The following AMDHD1 variants were observed in gnomAD, a reference collection of about 807,000 sequenced individuals.
AMDHD1 encodes probable imidazolonepropionase.
AMDHD1 carries 45 observed loss-of-function variants against 44.1 expected under a neutral mutation model. The ratio of observed to expected loss-of-function variants is 1.02; its 90% CI spans 0.80 to 1.31. The LOEUF is 1.31. Among genes scored for constraint, AMDHD1 ranks in the 50% most tolerant of loss-of-function variants. AMDHD1 has a pLI of 0.00. For missense variants in AMDHD1, 586 were observed against 552.1 expected, an observed-to-expected ratio of 1.06 and a Z score of -0.61; for synonymous variants, 206 against 205.0, an observed-to-expected ratio of 1.00 and a Z score of -0.04.
rs865822777 is a variant in AMDHD1, at chr12:95,947,590, C to T, written c.137+4055C>T. Among the ~76,000 whole-genome samples the T allele has an allele frequency of 4.0e-3, 272 of 67,408 alleles. 1 individual carries two copies. The highest frequency in any genetic ancestry group is 0.018 in the African/African-American group (242 of 13,516). The allele number at this position is 67,408 out of a possible 152,430, so 44.2% of individuals were successfully genotyped here. ...GAGGGAGGTGGGGGGTCAGCCCCCC[C>T]GCCCGGACAGCCGTGCCGTCCAGGA... On this transcript the variant is annotated intron_variant, in intron 1 of 8. Transcript: ENST00000266736.
intron 4 of AMDHD1, among the ~76,000 whole-genome samples, chr12:95,959,065 G>GA (rs11322266): frequency 3.1e-4 from 47 of 149,474 alleles, no homozygotes; most frequent in Admixed American, 1.4e-3. Context: ...CAAAAAAGAA[G>GA]AAAAAAAAAA....
In AMDHD1 at chr12:95,949,195, G is replaced by T. The variant is rs1021913284; in HGVS notation, c.138-3522G>T. Among the ~76,000 whole-genome samples the T allele has an allele frequency of 2.3e-4, 34 of 150,190 alleles. 1 individual carries two copies. Among genetic ancestry groups the T allele is most frequent in the Admixed American group, 8.0e-4 (12 of 15,070 alleles). On this transcript the variant is annotated intron_variant, in intron 1 of 8. Coordinates refer to ENST00000266736, the MANE Select transcript of AMDHD1 (RefSeq NM_152435.3). ...AAAAAAAAAGAGACTGCACAGAGGG[G>T]TGCCTGAACCAATGGGAGGATCGGG... is the stretch of plus-strand genomic sequence containing the variant.
intron 4 of AMDHD1, among the ~76,000 whole-genome samples, chr12:95,959,790 CTTTTTT>C (rs63130861): frequency 3.0e-5 from 2 of 67,360 alleles, no homozygotes; most frequent in Admixed American, 2.3e-4. Flanking sequence ...GAAGATTATG[CTTTTTT>C]TTTTTTTTTT....
rs1255338648 is a variant in AMDHD1 at position 95,962,360 on chromosome 12, G to A, written c.819G>A (p.Gly273=). 3.7e-6 allele frequency: 6 copies of A among 1,613,420 alleles called. No homozygotes were observed. Among genetic ancestry groups the A allele is most frequent in the Non-Finnish European group, 5.1e-6 (6 of 1,179,634 alleles). The change falls in exon 6 of 9, where the codon GGG becomes GGA. Residue 273 remains glycine (G), a synonymous_variant. Coordinates refer to ENST00000266736, the MANE Select transcript of AMDHD1 (RefSeq NM_152435.3). ...TCTCTGCCCATTCTCCTTAGCTTGG[G>A]GCTGAACTGGGAGCGCAGGCAATCA... ...ELHPMKAAEL[G]AELGAQAISH...
At chr12:95,960,875 G>T (rs1565978718) in intron 5 of AMDHD1, among the ~76,000 whole-genome samples, 1 of 152,080 alleles carries the variant, frequency 6.6e-6, no homozygotes, top group Non-Finnish European at 1.5e-5. Context: ...GAATTGGCTG[G>T]GCGCGGTAGC....
At chr12:95,943,668 T>C (rs2080477697) in intron 1 of AMDHD1, 133 bp downstream of exon 1, 1 of 1,251,034 alleles carries the variant, frequency 8.0e-7, no homozygotes, top group East Asian at 3.2e-5. Context: ...AGCCAGCCTT[T>C]GGGGTACCTG....
chr12:95,955,628 C>T (rs1020301844), intron 3 of AMDHD1, among the ~76,000 whole-genome samples: 2 of 152,174 alleles, frequency 1.3e-5, no homozygotes, highest in Non-Finnish European at 2.9e-5. Context: ...CAGTCCAATC[C>T]TCTCATTGTA....
chr12:95,953,918 G>A (rs919932519), intron 2 of AMDHD1, among the ~76,000 whole-genome samples: 1 of 152,050 alleles, frequency 6.6e-6, no homozygotes, highest in African/African-American at 2.4e-5. Flanking sequence ...ACAAAGTCAG[G>A]GTGAAATGTT....
At position 95,967,733 on chromosome 12, in the gene AMDHD1, GTTGT is replaced by G; in HGVS notation, c.1194-20_1194-17del. ...ACTTGCACACATTGAAGTAATATTT[GTTGT>G]TTTTTTTTTTTTTTCTAGATGGGAG... On this transcript the variant is annotated intron_variant, in intron 8 of 8. Coordinates refer to ENST00000266736, the MANE Select transcript of AMDHD1 (RefSeq NM_152435.3). The G allele has an allele frequency of 8.1e-7, 1 of 1,229,910 alleles. No individual in the cohort carries two copies. The highest frequency in any genetic ancestry group is 1.1e-6 in the Non-Finnish European group (1 of 926,884). 76.2% of individuals were successfully genotyped at this position (1,229,910 alleles called of 1,614,324 possible).
At chr12:95,955,282 A>C (rs1320888297) in intron 3 of AMDHD1, among the ~76,000 whole-genome samples, 1 of 152,190 alleles carries the variant, frequency 6.6e-6, no homozygotes, top group East Asian at 1.9e-4. Flanking sequence ...GAAAATTGCC[A>C]TTCATTGGAG....
At chr12:95,964,747 T>A (rs2080600217) in intron 6 of AMDHD1, among the ~76,000 whole-genome samples, 1 of 151,992 alleles carries the variant, frequency 6.6e-6, no homozygotes, top group African/African-American at 2.4e-5. Context: ...CCTCATTGCT[T>A]TAACGAGCTT....
At chr12:95,964,032 TAA>T (rs35799594) in intron 6 of AMDHD1, among the ~76,000 whole-genome samples, 127 of 119,312 alleles carry the variant, frequency 1.1e-3, no homozygotes, top group South Asian at 2.8e-3. Flanking sequence ...GATTCCATCT[TAA>T]AAAAAAAAAA....
chr12:95,967,195 T>C (rs1440394028), intron 8 of AMDHD1, among the ~76,000 whole-genome samples: 1 of 152,184 alleles, frequency 6.6e-6, no homozygotes, highest in Non-Finnish European at 1.5e-5. Context: ...ACATCAAATC[T>C]TGTGAGATTT....
Position 95,943,527 on chromosome 12 carries a change from G to T in AMDHD1, c.129G>T (p.Val43=). 1 of 1,469,558 alleles carries T rather than the reference G, an allele frequency of 6.8e-7. No individual in the cohort carries two copies. The highest frequency in any genetic ancestry group is 9.0e-7 in the Non-Finnish European group (1 of 1,113,918). The allele number at this position is 1,469,558 out of a possible 1,614,324, so 91.0% of individuals were successfully genotyped here. A position where few individuals can be genotyped will look rare whatever the true frequency, so the allele number is the denominator to read the frequency against. ...SLAVLEGASL[V]VGKDGFIKAI... ...CGGTGCTGGAAGGCGCCAGCCTGGT[G>T]GTGGGCAAGTAAGTGGCCGGGCGCG... The change falls in exon 1 of 9, where the codon GTG becomes GTT. Residue 43 remains valine, a synonymous_variant. Transcript: ENST00000266736.
chr12:95,959,733 G>C (rs905170251), intron 4 of AMDHD1, among the ~76,000 whole-genome samples: 1 of 151,712 alleles, frequency 6.6e-6, no homozygotes, highest in Non-Finnish European at 1.5e-5. Flanking sequence ...ACCACAGGTG[G>C]GTCATCAGGG....
At chr12:95,945,358 T>G (rs562906852) in intron 1 of AMDHD1, among the ~76,000 whole-genome samples, 1 of 152,222 alleles carries the variant, frequency 6.6e-6, no homozygotes, top group Non-Finnish European at 1.5e-5. Flanking sequence ...TACAAGAATA[T>G]TGAGAACTTT....
At chr12:95,967,405 G>T (rs545315839) in intron 8 of AMDHD1, among the ~76,000 whole-genome samples, 1 of 152,092 alleles carries the variant, frequency 6.6e-6, no homozygotes, top group Non-Finnish European at 1.5e-5. Context: ...TGACTCTTAC[G>T]AGCCCATTGC....
At position 95,964,928 on chromosome 12, in the gene AMDHD1, C is replaced by CAAAAAAAAAAAAAAAAAAAAA. The variant is rs60076877; in HGVS notation, c.939-755_939-735dup. ...AAAGGACCTACAGAGATGTTTGAGGCAAAAAAAAAAAAAAAAAAAAAAAGA... is the reference window on the plus strand; with the variant it reads ...AAAGGACCTACAGAGATGTTTGAGGCAAAAAAAAAAAAAAAAAAAAAAAAAAAAAAAAAAAAAAAAAAAAGA... On this transcript the variant is annotated intron_variant, in intron 6 of 8. Coordinates refer to ENST00000266736, the MANE Select transcript of AMDHD1 (RefSeq NM_152435.3). Among the ~76,000 whole-genome samples, 14 of 35,832 alleles carry CAAAAAAAAAAAAAAAAAAAAA rather than the reference C, an allele frequency of 3.9e-4. 4 individuals are homozygous for CAAAAAAAAAAAAAAAAAAAAA. The highest frequency in any genetic ancestry group is 1.8e-3 in the African/African-American group (13 of 7,360). 23.5% of individuals were successfully genotyped at this position (35,832 alleles called of 152,430 possible).
At chr12:95,966,250 C>G in intron 7 of AMDHD1, 98 bp from the exon 8 acceptor site, 2 of 1,403,456 alleles carry the variant, frequency 1.4e-6, no homozygotes, top group South Asian at 2.6e-5. Flanking sequence ...CCTCCTATAC[C>G]TTTAACTGCC....
Sources: allele counts gnomAD v4.1 joint callset (sites outside exome capture counted in the v4.1 genomes callset), GRCh38; gene constraint gnomAD v4.1.1; transcripts MANE v1.5; gene names NCBI Gene and HGNC (gene_info 2026-07-23, HGNC 2026-07-21).